The following CORO2B variants were observed in gnomAD, a reference collection of about 807,000 sequenced individuals.
CORO2B encodes the protein coronin-2B.
A neutral mutation model predicts 58.8 loss-of-function variants in CORO2B; 26 were observed. The observed-to-expected ratio is 0.44, with a 90% CI of 0.32 to 0.61. The LOEUF is 0.61. Among genes scored for constraint, CORO2B ranks in the 20% least tolerant of loss-of-function variants. The pLI is 0.04. For missense variants in CORO2B, 460 were observed against 645.1 expected, an observed-to-expected ratio of 0.71 and a Z score of 3.11; for synonymous variants, 242 against 253.8, an observed-to-expected ratio of 0.95 and a Z score of 0.44.
chr15:68,642,216 G>A (rs1901272055), intron 1 of CORO2B, among the ~76,000 whole-genome samples: 1 of 151,944 alleles, frequency 6.6e-6, no homozygotes, highest in Admixed American at 6.6e-5. Flanking sequence ...CTTTAATATG[G>A]GAGTAGATGG....
At chr15:68,704,943 A>T (rs918875857) in intron 3 of CORO2B, among the ~76,000 whole-genome samples, 3 of 152,172 alleles carry the variant, frequency 2.0e-5, no homozygotes, top group Admixed American at 6.5e-5. Flanking sequence ...GAGCAGATCC[A>T]CAGGGCTCCT....
intron 1 of CORO2B, among the ~76,000 whole-genome samples, chr15:68,598,852 G>A (rs1032455824): frequency 6.6e-6 from 1 of 152,156 alleles, no homozygotes; most frequent in African/African-American, 2.4e-5. Context: ...GAGTGACTCT[G>A]CTTGCGGGAA....
the CORO2B span, among the ~76,000 whole-genome samples, chr15:68,531,037 A>G: frequency 4.3e-4 from 66 of 152,272 alleles, no homozygotes; most frequent in Non-Finnish European, 5.3e-4. Context: ...GGCTTACAAT[A>G]TATATCTTTA....
At chr15:68,550,724 C>A in the CORO2B span, among the ~76,000 whole-genome samples, 27 of 152,326 alleles carry the variant, frequency 1.8e-4, 1 homozygote, top group East Asian at 2.3e-3. Flanking sequence ...AGGCGCTCTG[C>A]GGGAAGGTTT....
chr15:68,621,896 A>G (rs1900532975), intron 1 of CORO2B, among the ~76,000 whole-genome samples: 1 of 151,638 alleles, frequency 6.6e-6, no homozygotes, highest in Non-Finnish European at 1.5e-5. Context: ...AGCTGGGACT[A>G]TAGGCACATG....
intron 1 of CORO2B, among the ~76,000 whole-genome samples, chr15:68,596,870 C>T (rs867793396): frequency 2.6e-5 from 4 of 152,134 alleles, no homozygotes; most frequent in Admixed American, 1.3e-4. Context: ...TCCCACAGGC[C>T]ACCCCAGCCA....
At chr15:68,587,753 A>G (rs953850568) in intron 1 of CORO2B, among the ~76,000 whole-genome samples, 1 of 152,196 alleles carries the variant, frequency 6.6e-6, no homozygotes, top group Admixed American at 6.5e-5. Flanking sequence ...CTGTGCTATT[A>G]TTATCCCCCT....
intron 3 of CORO2B, among the ~76,000 whole-genome samples, chr15:68,702,172 G>A (rs1410467528): frequency 6.6e-6 from 1 of 152,164 alleles, no homozygotes; most frequent in Non-Finnish European, 1.5e-5. Context: ...GAGGAGGGTA[G>A]TCTGCCTGAT....
intron 3 of CORO2B, among the ~76,000 whole-genome samples, chr15:68,703,198 T>C (rs569260162): frequency 1.4e-5 from 2 of 146,558 alleles, no homozygotes; most frequent in East Asian, 4.0e-4. Context: ...GTCACCAGGC[T>C]GTCATGCAGT....
upstream of CORO2B, among the ~76,000 whole-genome samples, chr15:68,577,613 C>T (rs1055761893): frequency 3.3e-5 from 5 of 150,450 alleles, no homozygotes; most frequent in African/African-American, 9.8e-5. Context: ...CCCAGATCCT[C>T]GGGGGGCTGA....
the CORO2B span, among the ~76,000 whole-genome samples, chr15:68,529,122 A>C: frequency 2.0e-5 from 3 of 152,116 alleles, no homozygotes; most frequent in Non-Finnish European, 2.9e-5. Flanking sequence ...GGGTTGTTCA[A>C]TAGGAAGTGG....
intron 2 of CORO2B, among the ~76,000 whole-genome samples, chr15:68,693,705 A>G (rs1186582105): frequency 1.3e-5 from 2 of 152,208 alleles, no homozygotes; most frequent in Admixed American, 6.5e-5. Flanking sequence ...TCATGGACTG[A>G]GCACCTACTG....
the CORO2B span, among the ~76,000 whole-genome samples, chr15:68,537,721 G>A: frequency 6.6e-5 from 10 of 152,050 alleles, no homozygotes; most frequent in African/African-American, 1.4e-4. Flanking sequence ...TTCAGCTCCC[G>A]CTTATAAGTA....
chr15:68,586,716 C>T (rs1340718078), intron 1 of CORO2B, among the ~76,000 whole-genome samples: 1 of 152,052 alleles, frequency 6.6e-6, no homozygotes, highest in East Asian at 1.9e-4. Flanking sequence ...CTTTCCTTCC[C>T]GCTGCCTGCT....
At chr15:68,533,438 T>C in the CORO2B span, among the ~76,000 whole-genome samples, 15 of 152,190 alleles carry the variant, frequency 9.9e-5, no homozygotes, top group Non-Finnish European at 1.8e-4. Flanking sequence ...TGTGCAAAAT[T>C]GTTAGCTGGA....
intron 2 of CORO2B, among the ~76,000 whole-genome samples, chr15:68,662,558 T>C (rs569722904): frequency 1.3e-5 from 2 of 152,390 alleles, no homozygotes; most frequent in African/African-American, 4.8e-5. Flanking sequence ...GATCACTTTG[T>C]ATTGCCATAT....
At chr15:68,614,094 G>C (rs1022610106) in intron 1 of CORO2B, among the ~76,000 whole-genome samples, 3 of 152,132 alleles carry the variant, frequency 2.0e-5, no homozygotes, top group Non-Finnish European at 2.9e-5. Flanking sequence ...CGGATTCTTG[G>C]GTTCTCACAC....
the CORO2B span, among the ~76,000 whole-genome samples, chr15:68,557,058 G>T: frequency 6.6e-5 from 10 of 152,190 alleles, no homozygotes; most frequent in Non-Finnish European, 8.8e-5. Flanking sequence ...GCTATTGCTG[G>T]CAACTTCTGC....
At chr15:68,562,506 C>G in the CORO2B span, among the ~76,000 whole-genome samples, 1 of 152,156 alleles carries the variant, frequency 6.6e-6, no homozygotes, top group Admixed American at 6.5e-5. Context: ...ATATGGGTGG[C>G]TCAGTTACAT....
Sources: allele counts gnomAD v4.1 joint callset (sites outside exome capture counted in the v4.1 genomes callset), GRCh38; gene constraint gnomAD v4.1.1; transcripts MANE v1.5; gene names NCBI Gene and HGNC (gene_info 2026-07-23, HGNC 2026-07-21).